The following FANCC variants were observed in gnomAD, a reference collection of about 807,000 sequenced individuals.
The protein encoded by FANCC is FA complementation group C.
A neutral mutation model predicts 71.3 loss-of-function variants in FANCC; 55 were observed. The ratio of observed to expected loss-of-function variants is 0.77; its 90% CI spans 0.62 to 0.97. The LOEUF is 0.97. Ranked by LOEUF, FANCC falls within the 50% of genes least tolerant of loss-of-function variation. The pLI is 0.00. For missense variants in FANCC, 678 were observed against 670.9 expected (o/e 1.01, Z -0.12); for synonymous variants, 275 against 244.9 (o/e 1.12, Z -1.15).
intron 13 of FANCC, chr9:95,111,260 C>T (rs1392041132): frequency 4.5e-6 from 7 of 1,545,758 alleles, no homozygotes; most frequent in Middle Eastern, 1.7e-4. Flanking sequence ...CGTCTCGTCT[C>T]TGGCCACCTC....
intron 7 of FANCC, among the ~76,000 whole-genome samples, chr9:95,139,933 A>G (rs751991998): frequency 1.3e-5 from 2 of 151,088 alleles, no homozygotes; most frequent in Non-Finnish European, 2.9e-5. Context: ...AGGGAAACTA[A>G]AAAATTTCAT....
chr9:95,221,027 C>T lies in FANCC; in HGVS notation c.345+19622G>A, dbSNP rs141709035. The stretch of plus-strand genomic sequence containing the variant: ...CGGGCAGATCACGAGGTCAAGAGAT[C>T]GAGACCACCCTGGCCAACATGGTGA... On this transcript the variant is annotated intron_variant, in intron 4 of 14. Transcript: ENST00000289081. Among the ~76,000 whole-genome samples the T allele has an allele frequency of 3.6e-3, 549 of 151,842 alleles. 5 individuals carry two copies. Among genetic ancestry groups the T allele is most frequent in the African/African-American group, 0.012 (515 of 41,454 alleles).
At chr9:95,188,641 G>T (rs1004946195) in intron 4 of FANCC, among the ~76,000 whole-genome samples, 3 of 152,166 alleles carry the variant, frequency 2.0e-5, no homozygotes, top group East Asian at 3.8e-4. Context: ...CTTCAGTGGT[G>T]GTCACATGGC....
intron 1 of FANCC, among the ~76,000 whole-genome samples, chr9:95,284,965 GAGC>G (rs992388434): frequency 2.0e-5 from 3 of 151,138 alleles, no homozygotes; most frequent in African/African-American, 7.3e-5. Context: ...AAATAAATCT[GAGC>G]CAAGGAATAA....
intron 4 of FANCC, among the ~76,000 whole-genome samples, chr9:95,185,735 C>T (rs530810539): frequency 2.8e-4 from 43 of 152,186 alleles, no homozygotes; most frequent in Non-Finnish European, 4.1e-4. Flanking sequence ...TCTACCTAAG[C>T]CTAAGTGGAC....
intron 10 of FANCC, chr9:95,123,743 C>G: frequency 2.9e-6 from 2 of 693,698 alleles, no homozygotes; most frequent in Non-Finnish European, 5.4e-6. Context: ...ACATTACTGT[C>G]TGAGTTGTGC....
chr9:95,191,995 T>C (rs983206332), intron 4 of FANCC, among the ~76,000 whole-genome samples: 1 of 152,222 alleles, frequency 6.6e-6, no homozygotes, highest in African/African-American at 2.4e-5. Flanking sequence ...TGTTAGGACA[T>C]ATCTCTCTTA....
chr9:95,187,482 G>A (rs1317787633), intron 4 of FANCC, among the ~76,000 whole-genome samples: 3 of 152,194 alleles, frequency 2.0e-5, no homozygotes, highest in East Asian at 1.9e-4. Flanking sequence ...ACTGAAAACC[G>A]GAGGGCCTAA....
At position 95,101,652 on chromosome 9, in the gene FANCC, T is replaced by G. The variant is rs928066874; in HGVS notation, c.*55A>C. ...TGGCCACAGGTCATCACCTGTCCTG[T>G]GGCCCTGGCGAGCCTGATCCCTCAC... is the stretch of plus-strand genomic sequence containing the variant. On this transcript the variant is annotated 3_prime_UTR_variant, in exon 15 of 15. Coordinates refer to ENST00000289081, the MANE Select transcript of FANCC (RefSeq NM_000136.3). The G allele has an allele frequency of 8.6e-5, 139 of 1,608,506 alleles. No homozygotes were observed. The highest frequency in any genetic ancestry group is 4.7e-4 in the Admixed American group (28 of 59,828).
chr9:95,283,307 G>A (rs998537206), intron 1 of FANCC, among the ~76,000 whole-genome samples: 2 of 152,216 alleles, frequency 1.3e-5, no homozygotes, highest in South Asian at 2.1e-4. Context: ...AATGACAAAA[G>A]GTGAATGAGA....
At chr9:95,105,109 G>A (rs935447148) in intron 14 of FANCC, among the ~76,000 whole-genome samples, 1 of 152,210 alleles carries the variant, frequency 6.6e-6, no homozygotes, top group African/African-American at 2.4e-5. Flanking sequence ...GCAGCCAGTC[G>A]TCTTTAGCCC....
chr9:95,241,095 C>T (rs1489793658), intron 3 of FANCC, among the ~76,000 whole-genome samples: 2 of 152,136 alleles, frequency 1.3e-5, no homozygotes, highest in Non-Finnish European at 2.9e-5. Context: ...ATGGAAAGAA[C>T]TAAGAGAACT....
chr9:95,129,530 G>T (rs1323739982), intron 8 of FANCC, among the ~76,000 whole-genome samples: 1 of 152,170 alleles, frequency 6.6e-6, no homozygotes, highest in Non-Finnish European at 1.5e-5. Flanking sequence ...CAGAGGTCAC[G>T]CTGCAAGCCA....
chr9:95,195,985 C>G (rs750855484), intron 4 of FANCC, among the ~76,000 whole-genome samples: 22 of 152,110 alleles, frequency 1.4e-4, no homozygotes, highest in Non-Finnish European at 2.2e-4. Flanking sequence ...CCTGATTTAT[C>G]AATTCTAACA....
intron 6 of FANCC, among the ~76,000 whole-genome samples, chr9:95,151,539 T>C (rs138605279): frequency 1.3e-5 from 2 of 152,218 alleles, no homozygotes; most frequent in Non-Finnish European, 2.9e-5. Flanking sequence ...CAGTAGGCAC[T>C]GAGGCTGTTT....
At chr9:95,300,846 G>T (rs951265535) in intron 1 of FANCC, among the ~76,000 whole-genome samples, 46 of 152,112 alleles carry the variant, frequency 3.0e-4, no homozygotes, top group African/African-American at 1.1e-3. Flanking sequence ...TCAGCGACTG[G>T]GGGCTGGAAA....
chr9:95,111,936 A>G (rs2071974225), intron 12 of FANCC, among the ~76,000 whole-genome samples: 1 of 152,220 alleles, frequency 6.6e-6, no homozygotes, highest in Admixed American at 6.5e-5. Context: ...GACTGCGGCC[A>G]TGACCAACAG....
intron 3 of FANCC, among the ~76,000 whole-genome samples, chr9:95,241,686 G>T (rs537989853): frequency 2.6e-5 from 4 of 152,128 alleles, no homozygotes; most frequent in South Asian, 4.2e-4. Flanking sequence ...TTGAGACAGG[G>T]TCTCGCTCTG....
At chr9:95,251,769 T>C (rs1422050731) in intron 1 of FANCC, among the ~76,000 whole-genome samples, 1 of 152,240 alleles carries the variant, frequency 6.6e-6, no homozygotes, top group Admixed American at 6.5e-5. Flanking sequence ...TGGCAATATA[T>C]TAAATACTTT....
Sources: allele counts gnomAD v4.1 joint callset (sites outside exome capture counted in the v4.1 genomes callset), GRCh38; gene constraint gnomAD v4.1.1; transcripts MANE v1.5; gene names NCBI Gene and HGNC (gene_info 2026-07-23, HGNC 2026-07-21).